Variants in RPS6KC1 observed in about 807,000 individuals in gnomAD.
RPS6KC1 encodes ribosomal protein S6 kinase C1, also known as inactive ribosomal protein S6 kinase delta-1.
A neutral mutation model predicts 103.8 loss-of-function variants in RPS6KC1; 54 were observed. That is an observed-to-expected ratio of 0.52 (90% CI 0.42 to 0.65). RPS6KC1 has a LOEUF of 0.65. RPS6KC1 is among the 30% of genes least tolerant of loss of function. The pLI is 0.00. For synonymous variants in RPS6KC1, 439 were observed against 438.7 expected, an observed-to-expected ratio of 1.00 and a Z score of -0.01; for missense variants, 1,151 against 1,253.8, an observed-to-expected ratio of 0.92 and a Z score of 1.24.
chr1:213,798,906 G>A, the RPS6KC1 span, among the ~76,000 whole-genome samples: 935 of 152,274 alleles, frequency 6.1e-3, 12 homozygotes, highest in African/African-American at 0.022. Flanking sequence ...ACAGCTCCAA[G>A]TCAGTGCCAA....
chr1:213,108,427 A>G (rs1326116889), intron 4 of RPS6KC1, among the ~76,000 whole-genome samples: 2 of 152,166 alleles, frequency 1.3e-5, no homozygotes, highest in South Asian at 4.1e-4. Flanking sequence ...GACTGTTGAT[A>G]GTTCTATTAA....
intron 6 of RPS6KC1, among the ~76,000 whole-genome samples, chr1:213,166,199 T>G (rs1434633326): frequency 2.0e-5 from 3 of 152,054 alleles, no homozygotes; most frequent in African/African-American, 7.2e-5. Flanking sequence ...TAAATTGCCA[T>G]AGTTTTTATT....
At chr1:213,667,721 T>C in the RPS6KC1 span, among the ~76,000 whole-genome samples, 247 of 152,358 alleles carry the variant, frequency 1.6e-3, no homozygotes, top group African/African-American at 5.7e-3. Context: ...TTACCCACAG[T>C]AGAACTTCTG....
rs371011806 is a variant in RPS6KC1, at chr1:213,195,655, T to G, written c.1044+19163T>G. On this transcript the variant is annotated intron_variant, in intron 8 of 14. Transcript: ENST00000366960. ...GTCCTCAGAGGTCATTATATCATAC[T>G]TATACTGTTGCGTCTTCATAACTTA... 6.4e-4 allele frequency among the ~76,000 whole-genome samples: 98 copies of G among 152,290 alleles called. 1 individual carries two copies. The South Asian group carries it at 0.02, about 31-fold the overall frequency.
the RPS6KC1 span, among the ~76,000 whole-genome samples, chr1:213,831,023 G>A: frequency 6.6e-6 from 1 of 152,156 alleles, no homozygotes; most frequent in Admixed American, 6.5e-5. Context: ...CTTCACTAAA[G>A]TTCCTGCATG....
intron 6 of RPS6KC1, among the ~76,000 whole-genome samples, chr1:213,138,545 G>C (rs75906987): frequency 0.018 from 2,741 of 152,132 alleles, 38 homozygotes; most frequent in Non-Finnish European, 0.03. Context: ...AGTGTCTATT[G>C]TTCCCTTCTG....
chr1:213,368,847 A>G, the RPS6KC1 span, among the ~76,000 whole-genome samples: 1 of 152,214 alleles, frequency 6.6e-6, no homozygotes, highest in South Asian at 2.1e-4. Context: ...GTTGATTGAG[A>G]TTCCTATAAT....
the RPS6KC1 span, among the ~76,000 whole-genome samples, chr1:213,302,919 G>A: frequency 1.3e-5 from 2 of 152,180 alleles, no homozygotes; most frequent in Non-Finnish European, 2.9e-5. Flanking sequence ...CATTGCCCAT[G>A]TACCAGAAAC....
At chr1:213,254,058 T>G (rs1032987789) in intron 12 of RPS6KC1, among the ~76,000 whole-genome samples, 2 of 152,112 alleles carry the variant, frequency 1.3e-5, no homozygotes, top group African/African-American at 4.8e-5. Flanking sequence ...TATTGAAGAG[T>G]GTTCTATGAG....
the RPS6KC1 span, among the ~76,000 whole-genome samples, chr1:213,424,499 G>A: frequency 6.6e-6 from 1 of 152,222 alleles, no homozygotes; most frequent in Non-Finnish European, 1.5e-5. Context: ...CTCTCCATAT[G>A]GTGCTGCTCA....
At chr1:213,089,753 C>T (rs574377193) in intron 3 of RPS6KC1, among the ~76,000 whole-genome samples, 24 of 152,296 alleles carry the variant, frequency 1.6e-4, no homozygotes, top group Middle Eastern at 3.4e-3. Flanking sequence ...TGAGCCACCG[C>T]GCCCGGCCCC....
At chr1:213,216,256 C>T (rs1349104806) in intron 8 of RPS6KC1, among the ~76,000 whole-genome samples, 1 of 152,088 alleles carries the variant, frequency 6.6e-6, no homozygotes, top group Non-Finnish European at 1.5e-5. Flanking sequence ...GACTTTTAAC[C>T]AACAAAGATC....
the RPS6KC1 span, among the ~76,000 whole-genome samples, chr1:213,549,990 T>A: frequency 6.6e-6 from 1 of 152,002 alleles, no homozygotes; most frequent in Admixed American, 6.6e-5. Context: ...CATCAGGGGA[T>A]AAGGGGCTGA....
intron 4 of RPS6KC1, among the ~76,000 whole-genome samples, chr1:213,106,521 G>T (rs2082517994): frequency 6.6e-6 from 1 of 152,188 alleles, no homozygotes; most frequent in Non-Finnish European, 1.5e-5. Flanking sequence ...ATTTGAAGGA[G>T]TCTCGGAAGG....
At chr1:213,626,175 G>T in the RPS6KC1 span, among the ~76,000 whole-genome samples, 1 of 152,148 alleles carries the variant, frequency 6.6e-6, no homozygotes, top group African/African-American at 2.4e-5. Context: ...TTTCTCTGAT[G>T]GCCAGTGATG....
At chr1:213,389,282 C>A in the RPS6KC1 span, among the ~76,000 whole-genome samples, 1 of 152,300 alleles carries the variant, frequency 6.6e-6, no homozygotes, top group East Asian at 1.9e-4. Context: ...GTACTGCCAA[C>A]CTCCCTTGCA....
chr1:213,094,778 ATG>A (rs1281148538), intron 3 of RPS6KC1, among the ~76,000 whole-genome samples: 6 of 152,224 alleles, frequency 3.9e-5, no homozygotes, highest in Non-Finnish European at 8.8e-5. Context: ...AGATCACTCC[ATG>A]TCCTTGGATG....
At chr1:213,441,107 T>C in the RPS6KC1 span, among the ~76,000 whole-genome samples, 1 of 152,218 alleles carries the variant, frequency 6.6e-6, no homozygotes, top group Non-Finnish European at 1.5e-5. Flanking sequence ...TAAGGAATTA[T>C]CTCATATAGA....
intron 8 of RPS6KC1, among the ~76,000 whole-genome samples, chr1:213,189,896 A>C (rs1284319557): frequency 6.6e-6 from 1 of 152,168 alleles, no homozygotes; most frequent in Non-Finnish European, 1.5e-5. Flanking sequence ...AAGTGAGTAC[A>C]TGCAAAGTTT....
Sources: allele counts gnomAD v4.1 joint callset (sites outside exome capture counted in the v4.1 genomes callset), GRCh38; gene constraint gnomAD v4.1.1; transcripts MANE v1.5; gene names NCBI Gene and HGNC (gene_info 2026-07-23, HGNC 2026-07-21).